DCAF8: variants seen among roughly 807,000 people sequenced by gnomAD.
The protein encoded by DCAF8 is DDB1- and CUL4-associated factor 8.
A neutral mutation model predicts 68.0 loss-of-function variants in DCAF8; 20 were observed. The ratio of observed to expected loss-of-function variants is 0.29; its 90% CI spans 0.21 to 0.43. The LOEUF (loss-of-function observed/expected upper bound fraction) is 0.43. Ranked by LOEUF, DCAF8 falls within the 20% of genes least tolerant of loss-of-function variation. DCAF8 has a pLI of 1.00. For synonymous variants in DCAF8, 230 were observed against 276.9 expected (o/e 0.83, Z 1.68); for missense variants, 460 against 771.0 (o/e 0.60, Z 4.78).
intron 2 of DCAF8, among the ~76,000 whole-genome samples, chr1:160,246,405 G>C (rs1183092281): frequency 2.0e-5 from 3 of 152,174 alleles, no homozygotes; most frequent in Non-Finnish European, 1.5e-5. Flanking sequence ...GATGATAAAA[G>C]TAAGTAGAAT....
intron 11 of DCAF8, chr1:160,220,908 CAG>C (rs1655273554): frequency 6.6e-6 from 1 of 152,196 alleles, no homozygotes; most frequent in Non-Finnish European, 1.5e-5. Context: ...GACCAAAAAA[CAG>C]AGCAGAGGGA....
At chr1:160,231,605 T>C (rs1474330648) in intron 6 of DCAF8, among the ~76,000 whole-genome samples, 198 bp from the exon 7 acceptor site, 1 of 152,206 alleles carries the variant, frequency 6.6e-6, no homozygotes, top group African/African-American at 2.4e-5. Context: ...ATATGGGACT[T>C]TGGGGATTGG....
chr1:160,233,874 A>T (rs574195093), intron 6 of DCAF8, among the ~76,000 whole-genome samples: 1 of 152,266 alleles, frequency 6.6e-6, no homozygotes, highest in South Asian at 2.1e-4. Context: ...TATAAAAATG[A>T]TTATCATGGC....
In DCAF8 at chr1:160,225,626, T is replaced by G. The variant is rs150468383; in HGVS notation, c.1108A>C (p.Asn370His). The change falls in exon 8 of 14, where the codon AAT (asparagine) becomes CAT (histidine). Residue 370 changes from asparagine (N) to histidine (H), a missense_variant. Coordinates refer to ENST00000368074, the MANE Select transcript of DCAF8 (RefSeq NM_015726.4). ...GGACAGAACTTCTTGAGTACTCCATTGTTCTCATTCTCATCAATTTTCCTC... is the reference window on the plus strand; with the variant it reads ...GGACAGAACTTCTTGAGTACTCCATGGTTCTCATTCTCATCAATTTTCCTC... ...DQRKIDENEN[N>H]GVLKKFCPHH... 2 of 1,613,866 alleles carry G rather than the reference T, an allele frequency of 1.2e-6. No individual in the cohort carries two copies. The highest frequency in any genetic ancestry group is 4.5e-5 in the East Asian group (2 of 44,890).
chr1:160,224,282 T>C (rs1376092268), intron 10 of DCAF8, among the ~76,000 whole-genome samples, 160 bp downstream of exon 10: 1 of 152,218 alleles, frequency 6.6e-6, no homozygotes, highest in Non-Finnish European at 1.5e-5. Context: ...TCCTCTAGCA[T>C]AGCGGAGAAA....
chr1:160,226,827 G>C (rs1402558326), intron 7 of DCAF8, among the ~76,000 whole-genome samples: 1 of 152,132 alleles, frequency 6.6e-6, no homozygotes, highest in Non-Finnish European at 1.5e-5. Flanking sequence ...AGACTTCTCT[G>C]GCTGAAGTCA....
chr1:160,231,567 C>A (rs1227443282), intron 6 of DCAF8, among the ~76,000 whole-genome samples, 160 bp from the exon 7 acceptor site: 1 of 151,994 alleles, frequency 6.6e-6, no homozygotes, highest in Non-Finnish European at 1.5e-5. Flanking sequence ...TTGTACGTAA[C>A]AACAGGAAAA....
intron 1 of DCAF8, 90 bp from the exon 2 acceptor site, chr1:160,261,448 C>T (rs137988785): frequency 4.6e-5 from 7 of 152,220 alleles, no homozygotes; most frequent in South Asian, 2.1e-4. Context: ...ATTTTTAGGC[C>T]TTCTCAAAAC....
rs1265767483 is a variant in DCAF8 at position 160,217,880 on chromosome 1, T to G, written c.1678-172A>C. 27 of 567,946 alleles carry G rather than the reference T, an allele frequency of 4.8e-5. No homozygotes were observed. In the South Asian group the frequency reaches 6.4e-4, roughly 14 times the overall value. 35.2% of individuals were successfully genotyped at this position (567,946 alleles called of 1,614,324 possible). On this transcript the variant is annotated intron_variant, in intron 13 of 13. Transcript: ENST00000368074. ...TCTATATGGTCTTTATTGCAACTAT[T>G]CAACTCATTGTAGCGTGAAGGCCGC...
chr1:160,218,525 T>A (rs1655197862), intron 12 of DCAF8, 85 bp from the exon 13 acceptor site: 1 of 1,044,426 alleles, frequency 9.6e-7, no homozygotes, highest in Admixed American at 1.8e-5. Flanking sequence ...CCTATCCCAA[T>A]AAAAGCTTCC....
chr1:160,231,617 GA>G (rs1248248124), intron 6 of DCAF8, among the ~76,000 whole-genome samples: 1 of 152,044 alleles, frequency 6.6e-6, no homozygotes, highest in Non-Finnish European at 1.5e-5. Flanking sequence ...GGGGATTGGG[GA>G]AAAAAATATG....
At position 160,225,090 on chromosome 1, in the gene DCAF8, G is replaced by A. The variant is rs1354275910; in HGVS notation, c.1173C>T (p.Thr391=). The part of the protein sequence containing the change: ...LVNSESKANI[T]CLVYSHDGTE... ...TGCCGTCGTGGCTGTACACAAGACA[G>A]GTGATGTTTGCTTTGGACTCACTGT... The change falls in exon 9 of 14, where the codon ACC becomes ACT. Residue 391 remains threonine (T), a synonymous_variant. Transcript: ENST00000368074. 6.2e-7 allele frequency: 1 copy of A among 1,614,198 alleles called. No individual in the cohort carries two copies. Among genetic ancestry groups the A allele is most frequent in the Admixed American group, 1.7e-5 (1 of 60,024 alleles).
intron 4 of DCAF8, 105 bp from the exon 5 acceptor site, chr1:160,238,852 T>C (rs1487377545): frequency 2.5e-6 from 3 of 1,212,272 alleles, no homozygotes; most frequent in Non-Finnish European, 3.3e-6. Context: ...TTTTCTTACA[T>C]GACAGCTGGA....
At chr1:160,252,535 T>C (rs1656637681) in intron 2 of DCAF8, among the ~76,000 whole-genome samples, 1 of 152,084 alleles carries the variant, frequency 6.6e-6, no homozygotes, top group African/African-American at 2.4e-5. Context: ...TAAGGTATAG[T>C]TGATTAGTTA....
At chr1:160,239,661 G>C (rs376054635) in intron 4 of DCAF8, 36 bp downstream of exon 4, 31 of 1,614,046 alleles carry the variant, frequency 1.9e-5, no homozygotes, top group Non-Finnish European at 2.5e-5. Flanking sequence ...ACTCATGCCT[G>C]ATTCTCTCAG....
chr1:160,246,107 C>T (rs1656326880), intron 2 of DCAF8, among the ~76,000 whole-genome samples: 1 of 151,392 alleles, frequency 6.6e-6, no homozygotes, highest in Non-Finnish European at 1.5e-5. Flanking sequence ...CATTGCACCC[C>T]ATCCAGCCTG....
At chr1:160,257,665 CTTCTG>C (rs1469477759) in intron 2 of DCAF8, among the ~76,000 whole-genome samples, 1 of 152,314 alleles carries the variant, frequency 6.6e-6, no homozygotes, top group East Asian at 1.9e-4. Context: ...TGTAGACAAG[CTTCTG>C]TCTTAGGTTG....
intron 2 of DCAF8, among the ~76,000 whole-genome samples, chr1:160,259,531 A>AAAACAAACAAAC (rs59315993): frequency 6.6e-6 from 1 of 150,626 alleles, no homozygotes; most frequent in African/African-American, 2.5e-5. Flanking sequence ...GACTCGTCAA[A>AAAACAAACAAAC]AAACAAACAA....
At chr1:160,237,103 C>A in intron 6 of DCAF8, 32 bp downstream of exon 6, 1 of 1,445,470 alleles carries the variant, frequency 6.9e-7, no homozygotes, top group Non-Finnish European at 9.5e-7. Flanking sequence ...CTAAGAGATA[C>A]AGTTCTGTAA....
Sources: allele counts gnomAD v4.1 joint callset (sites outside exome capture counted in the v4.1 genomes callset), GRCh38; gene constraint gnomAD v4.1.1; transcripts MANE v1.5; gene names NCBI Gene and HGNC (gene_info 2026-07-23, HGNC 2026-07-21).